The following LRR1 variants were observed in gnomAD, a reference collection of about 807,000 sequenced individuals.
LRR1 encodes leucine-rich repeat protein 1.
LRR1 carries 29 observed loss-of-function variants against 31.6 expected under a neutral mutation model. The ratio of observed to expected loss-of-function variants is 0.92; its 90% CI spans 0.68 to 1.25. The LOEUF is 1.25. Among genes scored for constraint, LRR1 ranks in the 50% most tolerant of loss-of-function variants. The pLI is 0.00. For synonymous variants in LRR1, 179 were observed against 181.4 expected, an observed-to-expected ratio of 0.99 and a Z score of 0.10; for missense variants, 485 against 487.2, an observed-to-expected ratio of 1.00 and a Z score of 0.04.
rs1360898457 is a variant in LRR1 at position 49,607,499 on chromosome 14, A to T, written c.382A>T (p.Thr128Ser). The change falls in exon 3 of 4, where the codon ACT becomes TCT. Residue 128 changes from threonine (T) to serine (S), a missense_variant. Transcript: ENST00000298288. ...AGTTTCAACGCTCACACCAGTGAAGACTTCAGAATTTGAAAACTTTAAAAC... is the reference window on the plus strand; with the variant it reads ...AGTTTCAACGCTCACACCAGTGAAGTCTTCAGAATTTGAAAACTTTAAAAC... ...TPVSTLTPVK[T>S]SEFENFKTKM... is the part of the protein sequence containing the mutation. The T allele has an allele frequency of 5.0e-6, 8 of 1,614,032 alleles. No individual in the cohort carries two copies. Among genetic ancestry groups the T allele is most frequent in the Non-Finnish European group, 6.8e-6 (8 of 1,180,022 alleles).
intron 2 of LRR1, chr14:49,603,715 A>G (rs1313550572): frequency 3.6e-6 from 2 of 559,592 alleles, no homozygotes; most frequent in Non-Finnish European, 2.1e-6. Context: ...TTTTAATGAG[A>G]CAGAGTCTCT....
chr14:49,612,475 C>T (rs1475045933), intron 3 of LRR1: 5 of 1,248,144 alleles, frequency 4.0e-6, no homozygotes, highest in South Asian at 2.7e-5. Flanking sequence ...AATCTAGAAC[C>T]ATCTATCCGA....
chr14:49,600,675 AG>A (rs1270435694), intron 1 of LRR1: 1 of 1,335,336 alleles, frequency 7.5e-7, no homozygotes, highest in Non-Finnish European at 1.0e-6. Context: ...GAAATGCTGC[AG>A]CTATACCCAG....
chr14:49,603,447 G>C lies in LRR1; in HGVS notation c.282+979G>C, dbSNP rs865844925. The C allele has an allele frequency of 1.8e-4, 43 of 241,526 alleles. No individual in the cohort carries two copies. In the South Asian group the frequency reaches 2.1e-3, roughly 12 times the overall value. 15.0% of individuals were successfully genotyped at this position (241,526 alleles called of 1,614,324 possible). ...AACCACAGGTTACAAATCTAAGTTT[G>C]TTGTAATAAAAGAGGAAAAAATTCA... is the stretch of plus-strand genomic sequence containing the variant. On this transcript the variant is annotated intron_variant, in intron 2 of 3. Coordinates refer to ENST00000298288, the MANE Select transcript of LRR1 (RefSeq NM_152329.4).
Position 49,600,578 on chromosome 14 carries a change from G to A in LRR1, c.183+1375G>A, listed in dbSNP as rs200420228. ...AACACACTGTAAAAAAAAAAGAATAGGATCAAGATGTATAAACTGTTGTTT... is the reference window on the plus strand; with the variant it reads ...AACACACTGTAAAAAAAAAAGAATAAGATCAAGATGTATAAACTGTTGTTT... On this transcript the variant is annotated intron_variant, in intron 1 of 3. Transcript: ENST00000298288. 3.2e-6 allele frequency: 5 copies of A among 1,571,782 alleles called. No individual in the cohort carries two copies. The Admixed American group carries it at 7.6e-5, about 24-fold the overall frequency.
chr14:49,599,050 C>T lies in LRR1; in HGVS notation c.30C>T (p.Ile10=), dbSNP rs760413305. The part of the protein sequence containing the change: MKLHCEVEV[I]SRHLPALGLR... ...AGCTACACTGTGAGGTGGAGGTGAT[C>T]AGCCGGCACTTGCCCGCCTTGGGGC... The change falls in exon 1 of 4, where the codon ATC becomes ATT. Residue 10 remains isoleucine (I), a synonymous_variant. Transcript: ENST00000298288. 5.6e-6 allele frequency: 9 copies of T among 1,609,452 alleles called. No homozygotes were observed. In the African/African-American group the frequency reaches 1.2e-4, roughly 21 times the overall value.
At chr14:49,604,917 A>C (rs571929099) in intron 2 of LRR1, among the ~76,000 whole-genome samples, 2 of 151,344 alleles carry the variant, frequency 1.3e-5, no homozygotes, top group Admixed American at 6.6e-5. Flanking sequence ...CTTTTTGATG[A>C]GACAAGGTCT....
intron 2 of LRR1, among the ~76,000 whole-genome samples, chr14:49,605,787 T>TTG (rs1458378824): frequency 6.6e-6 from 1 of 152,210 alleles, no homozygotes; most frequent in Non-Finnish European, 1.5e-5. Context: ...ATCCCAAGTC[T>TTG]GTGAACCAGT....
chr14:49,607,396 T>C lies in LRR1; in HGVS notation c.283-4T>C. 1 of 1,543,542 alleles carries C rather than the reference T, an allele frequency of 6.5e-7. No individual in the cohort carries two copies. The highest frequency in any genetic ancestry group is 1.4e-5 in the African/African-American group (1 of 72,158). ...TTATAATTCTACAACTTTTATTTATTCAGGCCATTTCCAGCAGTTTAAAAG... is the reference window on the plus strand; with the variant it reads ...TTATAATTCTACAACTTTTATTTATCCAGGCCATTTCCAGCAGTTTAAAAG... On this transcript the variant is annotated splice_polypyrimidine_tract_variant and splice_region_variant and intron_variant, in intron 2 of 3. Transcript: ENST00000298288.
In LRR1 at chr14:49,608,153, C is replaced by A. The variant is rs376358288; in HGVS notation, c.1004+32C>A. 4.8e-5 allele frequency: 72 copies of A among 1,508,316 alleles called. 1 individual carries two copies. The South Asian group carries it at 9.2e-4, about 19-fold the overall frequency. 93.4% of individuals were successfully genotyped at this position (1,508,316 alleles called of 1,614,324 possible). ...TTTTAATAGTCATGTAATGTGGTGT[C>A]TTTGATAGCATTCTAATATTCCTAT... On this transcript the variant is annotated intron_variant, in intron 3 of 3. Transcript: ENST00000298288.
intron 3 of LRR1, 86 bp from the exon 4 acceptor site, chr14:49,614,170 T>C (rs1025039278): frequency 1.3e-5 from 18 of 1,352,044 alleles, no homozygotes; most frequent in Middle Eastern, 2.0e-4. Context: ...AATTTTACTT[T>C]TCATTGTTAA....
At chr14:49,609,588 T>C (rs1021803727) in intron 3 of LRR1, among the ~76,000 whole-genome samples, 63 of 152,012 alleles carry the variant, frequency 4.1e-4, no homozygotes, top group African/African-American at 1.4e-3. Context: ...TTTGTATTTT[T>C]AGTAGAGACG....
chr14:49,609,552 C>A (rs150025876), intron 3 of LRR1, among the ~76,000 whole-genome samples: 2,308 of 149,872 alleles, frequency 0.015, 53 homozygotes, highest in African/African-American at 0.054. Flanking sequence ...CTGCAGGCAC[C>A]CGCCACCACA....
chr14:49,601,816 T>TAAAAA (rs11319854), intron 1 of LRR1, among the ~76,000 whole-genome samples: 2 of 90,738 alleles, frequency 2.2e-5, no homozygotes, highest in Non-Finnish European at 2.1e-5. Flanking sequence ...TCCCAACTGC[T>TAAAAA]AAAAAAAAAA....
rs1401398985 is a variant in LRR1 at position 49,607,955 on chromosome 14, G to T, written c.838G>T (p.Ala280Ser). The T allele has an allele frequency of 3.1e-6, 5 of 1,613,850 alleles. No homozygotes were observed. The highest frequency in any genetic ancestry group is 4.2e-6 in the Non-Finnish European group (5 of 1,179,994). Residue 280 changes from alanine (A) to serine (S), a missense_variant, in exon 3 of 4, where the codon GCT becomes TCT. Around this residue, in one of 3 missense-constraint regions of LRR1, gnomAD observed 210 missense variants for 200.4 expected, o/e 1.05. Coordinates refer to ENST00000298288, the MANE Select transcript of LRR1 (RefSeq NM_152329.4). ...AATAAACCTTCGCTTTTTGTCAGCA[G>T]CTCGAAATAAGCTTCCATTTTTGCC... The part of the protein sequence containing the change: ...QLINLRFLSA[A>S]RNKLPFLPSE...
At chr14:49,609,505 A>G (rs1882432629) in intron 3 of LRR1, among the ~76,000 whole-genome samples, 1 of 149,128 alleles carries the variant, frequency 6.7e-6, no homozygotes. Flanking sequence ...CCCGAGTTCG[A>G]GCGATTCTCC....
At chr14:49,608,989 C>T (rs1273251588) in intron 3 of LRR1, among the ~76,000 whole-genome samples, 3 of 140,874 alleles carry the variant, frequency 2.1e-5, no homozygotes, top group Admixed American at 7.4e-5. Context: ...TCTCGGCTCA[C>T]TGCAAGCTCC....
intron 1 of LRR1, chr14:49,600,143 C>A: frequency 6.5e-7 from 1 of 1,540,686 alleles, no homozygotes. Flanking sequence ...CAGTCAGCGT[C>A]ACCGTGGGGG....
chr14:49,608,173 T>C, intron 3 of LRR1, 52 bp downstream of exon 3: 1 of 1,482,182 alleles, frequency 6.7e-7, no homozygotes, highest in Non-Finnish European at 8.9e-7. Flanking sequence ...ATTCTAATAT[T>C]CCTATCAAAC....
Sources: gnomAD v4.1 joint callset for allele counts (sites outside exome capture counted in the v4.1 genomes callset) on GRCh38, gnomAD v4.1.1 for gene constraint, gnomAD v4.1.1 regional missense constraint, MANE v1.5 for transcripts, NCBI Gene and HGNC (gene_info 2026-07-23, HGNC 2026-07-21) for gene names.